Variants in SMARCA4 observed in about 807,000 individuals in gnomAD.
The protein encoded by SMARCA4 is SWI/SNF related BAF chromatin remodeling complex subunit ATPase 4, also known as SWI/SNF-related matrix-associated actin-dependent regulator of chromatin subfamily A member 4.
SMARCA4 carries 31 observed loss-of-function variants against 193.9 expected under a neutral mutation model. That is an observed-to-expected ratio of 0.16 (90% CI 0.12 to 0.22). The LOEUF (loss-of-function observed/expected upper bound fraction) is 0.22. Ranked by LOEUF, SMARCA4 falls within the 10% of genes least tolerant of loss-of-function variation. The probability of loss-of-function intolerance (pLI) is 1.00; values close to 1 mark genes in which losing one functional copy is unlikely to be tolerated. For missense variants in SMARCA4, 1,148 were observed against 2,296.0 expected, an observed-to-expected ratio of 0.50 and a Z score of 10.22; for synonymous variants, 942 against 933.1, an observed-to-expected ratio of 1.01 and a Z score of -0.17.
chr19:10,977,011 C>T (rs1003874470), intron 1 of SMARCA4, among the ~76,000 whole-genome samples: 2 of 151,730 alleles, frequency 1.3e-5, no homozygotes, highest in African/African-American at 4.8e-5. Flanking sequence ...GAGCCAAGGT[C>T]GCACCACTGC....
Position 11,058,780 on chromosome 19 carries a change from CA to C in SMARCA4, c.4534-7del, listed in dbSNP as rs1718752492. 6.2e-7 allele frequency: 1 copy of C among 1,609,162 alleles called. No homozygotes were observed. The highest frequency in any genetic ancestry group is 1.3e-5 in the African/African-American group (1 of 74,924). On this transcript the variant is annotated splice_polypyrimidine_tract_variant and splice_region_variant and intron_variant, in intron 31 of 34. Coordinates refer to ENST00000344626, the MANE Select transcript of SMARCA4 (RefSeq NM_003072.5). This position sits in a 1 kb window ranked among gnomAD's most constrained non-coding sequence, Gnocchi z 5.8. Reference sequence around the variant, plus strand: ...TGAGGTAAGACCTGCTCCTCCCGTCCACTGCAGGAGCGCATTCGCAACCACA... The same window carrying C: ...TGAGGTAAGACCTGCTCCTCCCGTCCCTGCAGGAGCGCATTCGCAACCACA...
Position 10,987,158 on chromosome 19 carries a change from G to A in SMARCA4, c.859+155G>A, listed in dbSNP as rs531700474. ...TTGTGGTGGTCCCCGGGTCTCCCCT[G>A]TAGCCAGTCAGTTCCCAAAGGCTGT... On this transcript the variant is annotated intron_variant, in intron 5 of 34. Transcript: ENST00000344626. This position sits in a 1 kb window ranked among gnomAD's most constrained non-coding sequence, Gnocchi z 5.3. 7.4e-4 allele frequency among the ~76,000 whole-genome samples: 112 copies of A among 152,326 alleles called. 2 individuals are homozygous for A. Among genetic ancestry groups the A allele is most frequent in the African/African-American group, 2.6e-3 (108 of 41,566 alleles).
chr19:10,983,175 A>G (rs2085704219), intron 1 of SMARCA4, among the ~76,000 whole-genome samples: 1 of 152,210 alleles, frequency 6.6e-6, no homozygotes, highest in East Asian at 1.9e-4. Context: ...TTACAGACAC[A>G]AGTATCTTTC....
intron 25 of SMARCA4, chr19:11,032,105 A>C (rs1294940049): frequency 6.6e-6 from 1 of 152,344 alleles, no homozygotes; most frequent in Non-Finnish European, 1.5e-5. Flanking sequence ...CCCCGTTGGC[A>C]GGCCGGCAGC....
intron 12 of SMARCA4, 25 bp from the exon 13 acceptor site, chr19:11,003,315 A>T (rs1296684561): frequency 6.2e-7 from 1 of 1,612,034 alleles, no homozygotes; most frequent in Non-Finnish European, 8.5e-7. Context: ...GCAGATTTGT[A>T]TGAAAGCCCT....
rs1256168562 is a variant in SMARCA4 at position 11,003,370 on chromosome 19, A to G, written c.1974A>G (p.Glu658=). 7 of 1,614,026 alleles carry G rather than the reference A, an allele frequency of 4.3e-6. No homozygotes were observed. Among genetic ancestry groups the G allele is most frequent in the East Asian group, 4.5e-5 (2 of 44,902 alleles). The change falls in exon 13 of 35, where the codon GAA becomes GAG. Residue 658 remains glutamate, a synonymous_variant. Coordinates refer to ENST00000344626, the MANE Select transcript of SMARCA4 (RefSeq NM_003072.5). ...AAGTAGCTCCGAGGTCTGATAGTGA[A>G]GAAAGTGGCTCAGAAGAAGAGGAAG... ...GYEVAPRSDS[E]ESGSEEEEEE...
At chr19:10,983,933 C>G (rs1440807107) in intron 1 of SMARCA4, among the ~76,000 whole-genome samples, 188 bp from the exon 2 acceptor site, 1 of 152,114 alleles carries the variant, frequency 6.6e-6, no homozygotes, top group African/African-American at 2.4e-5. Context: ...ACTGACTGAT[C>G]TTGTGTGCCT....
At chr19:10,967,379 C>CAGCTCACTGCA (rs2084305000) in intron 1 of SMARCA4, among the ~76,000 whole-genome samples, 1 of 151,956 alleles carries the variant, frequency 6.6e-6, no homozygotes, top group South Asian at 2.1e-4. Context: ...GGCACGATCT[C>CAGCTCACTGCA]AGCTCACTGC....
At position 11,034,541 on chromosome 19, in the gene SMARCA4, C is replaced by T. The variant is rs984290500; in HGVS notation, c.3951+341C>T. Among the ~76,000 whole-genome samples the T allele has an allele frequency of 4.6e-5, 7 of 152,212 alleles. No homozygotes were observed. The East Asian group carries it at 1.4e-3, about 29-fold the overall frequency. On this transcript the variant is annotated intron_variant, in intron 28 of 34. Coordinates refer to ENST00000344626, the MANE Select transcript of SMARCA4 (RefSeq NM_003072.5). The surrounding 1 kb of genome is among the most constrained non-coding windows in gnomAD (Gnocchi z 7.0). ...AAGGGACTGACCAGGCCTTCAGTCGCAGAGCCCCCTTGCCCCTGGGTGGGA... is the reference window on the plus strand; with the variant it reads ...AAGGGACTGACCAGGCCTTCAGTCGTAGAGCCCCCTTGCCCCTGGGTGGGA...
At position 11,034,905 on chromosome 19, in the gene SMARCA4, G is replaced by GC; in HGVS notation, c.3952-6dup. ...CTGATGCCTCTCCCGTTGCCTCCCTGCCCACCAGCGCATGGACCTGGACCG... is the reference window on the plus strand; with the variant it reads ...CTGATGCCTCTCCCGTTGCCTCCCTGCCCCACCAGCGCATGGACCTGGACCG... On this transcript the variant is annotated splice_polypyrimidine_tract_variant and intron_variant, in intron 28 of 34. Transcript: ENST00000344626. The surrounding 1 kb of genome is among the most constrained non-coding windows in gnomAD (Gnocchi z 7.0). The GC allele has an allele frequency of 6.4e-7, 1 of 1,552,292 alleles. No homozygotes were observed. Among genetic ancestry groups the GC allele is most frequent in the Admixed American group, 1.9e-5 (1 of 51,580 alleles).
chr19:10,972,591 C>T (rs553196610), intron 1 of SMARCA4, among the ~76,000 whole-genome samples: 1 of 152,272 alleles, frequency 6.6e-6, no homozygotes, highest in African/African-American at 2.4e-5. Flanking sequence ...TCAGTAAGTC[C>T]TCTGCTGTGG....
intron 34 of SMARCA4, 106 bp downstream of exon 34, chr19:11,060,293 A>T: frequency 7.3e-7 from 1 of 1,376,944 alleles, no homozygotes; most frequent in Non-Finnish European, 1.0e-6. Context: ...CCCACGCTGC[A>T]GGTGGGAAAG....
chr19:11,002,294 A>G (rs760587571), intron 11 of SMARCA4, among the ~76,000 whole-genome samples: 11 of 151,828 alleles, frequency 7.2e-5, no homozygotes, highest in Admixed American at 1.3e-4. Context: ...CTTGGCTAAC[A>G]CAGTGAAACC....
At chr19:10,983,814 A>G in intron 1 of SMARCA4, 1 of 463,770 alleles carries the variant, frequency 2.2e-6, no homozygotes, top group African/African-American at 2.0e-5. Flanking sequence ...AGGGTAGACC[A>G]GCACCCCCTG....
At chr19:10,982,049 T>C (rs1380788774) in intron 1 of SMARCA4, among the ~76,000 whole-genome samples, 1 of 151,982 alleles carries the variant, frequency 6.6e-6, no homozygotes, top group Admixed American at 6.6e-5. Context: ...TAATACAATG[T>C]AATTTTTGGC....
chr19:10,999,982 T>C lies in SMARCA4; in HGVS notation c.1813-3047T>C, dbSNP rs529940663. Among the ~76,000 whole-genome samples the C allele has an allele frequency of 2.0e-5, 3 of 152,208 alleles. No individual in the cohort carries two copies. The South Asian group carries it at 6.2e-4, about 32-fold the overall frequency. On this transcript the variant is annotated intron_variant, in intron 11 of 34. Transcript: ENST00000344626. ...GGCTCATGCCTGTAATCCCAGCACT[T>C]TGGGAGGCCAAGGTGGGCGGATCAC...
chr19:10,988,116 TTCTC>T (rs1218992902), intron 6 of SMARCA4, among the ~76,000 whole-genome samples, 192 bp downstream of exon 6: 3 of 151,432 alleles, frequency 2.0e-5, no homozygotes, highest in Non-Finnish European at 4.4e-5. Flanking sequence ...GCAGTTTGAG[TTCTC>T]TCTCTTTTTT....
At chr19:11,051,488 T>C (rs1568548437) in intron 30 of SMARCA4, among the ~76,000 whole-genome samples, 1 of 149,092 alleles carries the variant, frequency 6.7e-6, no homozygotes, top group Non-Finnish European at 1.5e-5. Context: ...GGGGACATAT[T>C]TCCTTTTTTT....
chr19:11,033,608 CTT>C lies in SMARCA4; in HGVS notation c.3774+92_3774+93del. Reference sequence around the variant, plus strand: ...TTTGTTTTTTTACCTTTTTTGCACTCTTATTTTTTTTGCATCCCTTTGGAGTA... The same window carrying C: ...TTTGTTTTTTTACCTTTTTTGCACTCATTTTTTTTGCATCCCTTTGGAGTA... On this transcript the variant is annotated intron_variant, in intron 26 of 34. Transcript: ENST00000344626. The surrounding 1 kb of genome is among the most constrained non-coding windows in gnomAD (Gnocchi z 9.8). 2 of 1,003,406 alleles carry C rather than the reference CTT, an allele frequency of 2.0e-6. No homozygotes were observed. The highest frequency in any genetic ancestry group is 2.0e-4 in the Middle Eastern group (1 of 4,906). The allele number at this position is 1,003,406 out of a possible 1,614,324, so 62.2% of individuals were successfully genotyped here.
Sources: gnomAD v4.1 joint callset for allele counts (sites outside exome capture counted in the v4.1 genomes callset) on GRCh38, gnomAD v4.1.1 for gene constraint, Gnocchi (gnomAD v3.1) non-coding constraint, MANE v1.5 for transcripts, NCBI Gene and HGNC (gene_info 2026-07-23, HGNC 2026-07-21) for gene names.